C1QTNF7: variants seen among roughly 807,000 people sequenced by gnomAD.
The protein encoded by C1QTNF7 is C1q and TNF related 7.
A neutral mutation model predicts 19.6 loss-of-function variants in C1QTNF7; 15 were observed. The ratio of observed to expected loss-of-function variants is 0.76; its 90% CI spans 0.51 to 1.18. The LOEUF is 1.18. C1QTNF7 is among the 50% of genes most tolerant of loss of function. The probability of loss-of-function intolerance (pLI) is 0.00; values close to 1 mark genes in which losing one functional copy is unlikely to be tolerated. For synonymous variants in C1QTNF7, 142 were observed against 137.5 expected (o/e 1.03, Z -0.23); for missense variants, 324 against 359.7 (o/e 0.90, Z 0.80).
At chr4:15,388,613 G>A (rs1264091109) in intron 1 of C1QTNF7, among the ~76,000 whole-genome samples, 1 of 152,208 alleles carries the variant, frequency 6.6e-6, no homozygotes, top group Non-Finnish European at 1.5e-5. Flanking sequence ...AGGTGCTGTA[G>A]TTATTGGTAA....
intron 1 of C1QTNF7, among the ~76,000 whole-genome samples, chr4:15,389,627 CAGGCTGG>C (rs1718480123): frequency 6.6e-6 from 1 of 152,094 alleles, no homozygotes; most frequent in Non-Finnish European, 1.5e-5. Context: ...CCATGTTGGT[CAGGCTGG>C]TCTCAAACTC....
chr4:15,390,117 T>C (rs947223247), intron 1 of C1QTNF7, among the ~76,000 whole-genome samples: 5 of 152,132 alleles, frequency 3.3e-5, no homozygotes, highest in African/African-American at 9.7e-5. Flanking sequence ...GTAGGAAATA[T>C]ATATTAAGAG....
chr4:15,393,182 C>A (rs993527546), intron 1 of C1QTNF7, among the ~76,000 whole-genome samples: 1 of 152,228 alleles, frequency 6.6e-6, no homozygotes, highest in Non-Finnish European at 1.5e-5. Context: ...CCATGTAAGA[C>A]ATGCCTTTTG....
chr4:15,435,487 G>A (rs577307574), intron 1 of C1QTNF7, among the ~76,000 whole-genome samples: 28 of 152,080 alleles, frequency 1.8e-4, no homozygotes, highest in Non-Finnish European at 3.7e-4. Context: ...GATTTATTTT[G>A]AAATGTTTTT....
Position 15,422,209 on chromosome 4 carries a change from T to A in C1QTNF7, c.14-13527T>A, listed in dbSNP as rs56170039. Among the ~76,000 whole-genome samples, 62 of 51,448 alleles carry A rather than the reference T, an allele frequency of 1.2e-3. 2 individuals carry two copies. Among genetic ancestry groups the A allele is most frequent in the Admixed American group, 4.8e-3 (23 of 4,748 alleles). The allele number at this position is 51,448 out of a possible 152,430, so 33.8% of individuals were successfully genotyped here. On this transcript the variant is annotated intron_variant, in intron 1 of 2. Transcript: ENST00000295297. Reference sequence around the variant, plus strand: ...TATAATCTAATAAACCTGTTTTTTTTTAAAAAAAAAAAAAAGGATATTGCA... The same window carrying A: ...TATAATCTAATAAACCTGTTTTTTTATAAAAAAAAAAAAAAGGATATTGCA...
chr4:15,410,781 C>T (rs1183725042), intron 1 of C1QTNF7, among the ~76,000 whole-genome samples: 1 of 152,186 alleles, frequency 6.6e-6, no homozygotes, highest in Non-Finnish European at 1.5e-5. Flanking sequence ...TATGCTTTCT[C>T]TCTGGTTTTC....
Position 15,443,370 on chromosome 4 carries a change from G to C in C1QTNF7, c.*571G>C, listed in dbSNP as rs1384475362. 6.6e-6 allele frequency: 1 copy of C among 152,458 alleles called. No individual in the cohort carries two copies. The highest frequency in any genetic ancestry group is 1.9e-4 in the East Asian group (1 of 5,208). The allele number at this position is 152,458 out of a possible 1,614,324, so 9.4% of individuals were successfully genotyped here. On this transcript the variant is annotated 3_prime_UTR_variant, in exon 3 of 3. Coordinates refer to ENST00000444304, the MANE Select transcript of C1QTNF7 (RefSeq NM_031911.5). ...GACCAGACACTGTGGCGCTGAATCAGATTTAATAATGAGTTAAGACAAAGC... is the reference window on the plus strand; with the variant it reads ...GACCAGACACTGTGGCGCTGAATCACATTTAATAATGAGTTAAGACAAAGC...
At chr4:15,401,294 A>C (rs6855244) in intron 1 of C1QTNF7, among the ~76,000 whole-genome samples, 55,445 of 151,996 alleles carry the variant, frequency 0.36, 10,352 homozygotes, top group East Asian at 0.55. Flanking sequence ...AGCCACAACA[A>C]AATCTGCATC....
At chr4:15,415,240 G>A (rs1719556235) in intron 1 of C1QTNF7, among the ~76,000 whole-genome samples, 1 of 152,164 alleles carries the variant, frequency 6.6e-6, no homozygotes, top group South Asian at 2.1e-4. Flanking sequence ...AGGAAGAGAA[G>A]GAGCTAGAGT....
At chr4:15,410,339 A>T (rs960824997) in intron 1 of C1QTNF7, among the ~76,000 whole-genome samples, 7 of 152,180 alleles carry the variant, frequency 4.6e-5, no homozygotes, top group Non-Finnish European at 8.8e-5. Context: ...GGATACCAGC[A>T]TTTTGGTATA....
At chr4:15,427,862 C>A, upstream of C1QTNF7, 1 of 192,774 alleles carries the variant, frequency 5.2e-6, no homozygotes, top group Non-Finnish European at 9.5e-6. Context: ...AAGTTTATCC[C>A]AAACAAAACT....
chr4:15,379,187 C>T (rs991955623), intron 1 of C1QTNF7, among the ~76,000 whole-genome samples: 2 of 151,912 alleles, frequency 1.3e-5, no homozygotes, highest in African/African-American at 4.8e-5. Context: ...AACAAGTTCC[C>T]GAGTTAAGAT....
At chr4:15,401,868 A>C (rs1181849451) in intron 1 of C1QTNF7, among the ~76,000 whole-genome samples, 1 of 152,224 alleles carries the variant, frequency 6.6e-6, no homozygotes, top group East Asian at 1.9e-4. Flanking sequence ...CGAAATGAGA[A>C]AGAAAGAAAC....
At chr4:15,392,010 G>T (rs988807820) in intron 1 of C1QTNF7, among the ~76,000 whole-genome samples, 5 of 152,172 alleles carry the variant, frequency 3.3e-5, no homozygotes, top group African/African-American at 1.2e-4. Flanking sequence ...CAGGTCCTCA[G>T]CCTGGATTTA....
intron 1 of C1QTNF7, among the ~76,000 whole-genome samples, chr4:15,385,278 G>T (rs1399265727): frequency 6.6e-6 from 1 of 152,134 alleles, no homozygotes; most frequent in African/African-American, 2.4e-5. Flanking sequence ...GACAGACAAA[G>T]AAAACACAAA....
At chr4:15,418,049 G>A (rs926413907) in intron 1 of C1QTNF7, among the ~76,000 whole-genome samples, 2 of 152,176 alleles carry the variant, frequency 1.3e-5, no homozygotes, top group African/African-American at 4.8e-5. Flanking sequence ...TCGTCAGGAT[G>A]AGCCCGCATG....
At chr4:15,397,113 G>A (rs983664361) in intron 1 of C1QTNF7, among the ~76,000 whole-genome samples, 7 of 152,124 alleles carry the variant, frequency 4.6e-5, no homozygotes, top group Non-Finnish European at 5.9e-5. Flanking sequence ...TGTAAGACTT[G>A]TTCACTACCA....
chr4:15,354,781 A>C (rs530852183), intron 1 of C1QTNF7, among the ~76,000 whole-genome samples: 1 of 152,250 alleles, frequency 6.6e-6, no homozygotes, highest in Admixed American at 6.5e-5. Flanking sequence ...GGAAAAAGTA[A>C]GATTTTTTTT....
chr4:15,441,865 C>A (rs905246949), intron 2 of C1QTNF7, among the ~76,000 whole-genome samples: 2 of 151,826 alleles, frequency 1.3e-5, no homozygotes. Context: ...ACTAAAAATA[C>A]AAAAAATTAG....
Sources: gnomAD v4.1 joint callset for allele counts (sites outside exome capture counted in the v4.1 genomes callset) on GRCh38, gnomAD v4.1.1 for gene constraint, MANE v1.5 for transcripts, NCBI Gene and HGNC (gene_info 2026-07-23, HGNC 2026-07-21) for gene names.